TRPM1: variants seen among roughly 807,000 people sequenced by gnomAD.
TRPM1 encodes TRPM1-203 APA Isoform, Intron 10.
Under a neutral mutation model 149.4 loss-of-function variants are expected in TRPM1, and 113 were observed. That is an observed-to-expected ratio of 0.76 (90% CI 0.65 to 0.88). TRPM1 has a LOEUF of 0.88. Among genes scored for constraint, TRPM1 ranks in the 40% least tolerant of loss-of-function variants. TRPM1 has a pLI of 0.00. For missense variants in TRPM1, 1,976 were observed against 2,038.7 expected (o/e 0.97, Z 0.59); for synonymous variants, 741 against 759.5 (o/e 0.98, Z 0.40).
At chr15:31,133,094 A>T (rs1289541705) in intron 1 of TRPM1, among the ~76,000 whole-genome samples, 1 of 152,094 alleles carries the variant, frequency 6.6e-6, no homozygotes, top group African/African-American at 2.4e-5. Flanking sequence ...AGTCTCTGTG[A>T]CCCCTGAGGA....
chr15:31,119,624 TTATC>T (rs1360980415), intron 1 of TRPM1, among the ~76,000 whole-genome samples: 5 of 151,978 alleles, frequency 3.3e-5, no homozygotes, highest in Admixed American at 6.6e-5. Flanking sequence ...TTTTCTTAAT[TTATC>T]TAACAGATAA....
intron 1 of TRPM1, among the ~76,000 whole-genome samples, chr15:31,128,767 G>A (rs956159158): frequency 4.6e-5 from 7 of 152,242 alleles, no homozygotes; most frequent in African/African-American, 1.7e-4. Context: ...CAGGCTCATG[G>A]GGCCCTGCCA....
intron 1 of TRPM1, among the ~76,000 whole-genome samples, chr15:31,119,348 GA>G (rs2141032240): frequency 6.6e-6 from 1 of 152,220 alleles, no homozygotes; most frequent in Non-Finnish European, 1.5e-5. Context: ...AGAAGAAAAT[GA>G]GAAGAAATAT....
chr15:31,046,174 A>G (rs2033755801), intron 16 of TRPM1, 30 bp downstream of exon 16: 1 of 1,609,530 alleles, frequency 6.2e-7, no homozygotes, highest in Non-Finnish European at 8.5e-7. Flanking sequence ...CCAGGATATT[A>G]TAAAACTGTT....
rs567726421 is a variant in TRPM1, at chr15:31,063,120, G to T, written c.963C>A (p.Gly321=). The T allele has an allele frequency of 2.5e-6, 4 of 1,614,138 alleles. No homozygotes were observed. Among genetic ancestry groups the T allele is most frequent in the African/African-American group, 1.3e-5 (1 of 75,030 alleles). The change falls in exon 8 of 28, where the codon GGC becomes GGA. Residue 321 remains glycine (G), a splice_region_variant and synonymous_variant. Transcript: ENST00000256552. ...LSFAHKYCEE[G]GIINESLREQ... is the part of the protein sequence containing the mutation. The stretch of plus-strand genomic sequence containing the variant: ...TCCTCGCGCGTCAGAAATCCTACCC[G>T]CCTTCTTCACAGTACTTGTGCGCAA...
At chr15:31,043,490 C>A (rs1435122109) in intron 16 of TRPM1, among the ~76,000 whole-genome samples, 1 of 152,132 alleles carries the variant, frequency 6.6e-6, no homozygotes, top group African/African-American at 2.4e-5. Context: ...CCACGCCCGG[C>A]CACGACTGAC....
intron 9 of TRPM1, 58 bp from the exon 10 acceptor site, chr15:31,061,572 G>A (rs992753273): frequency 2.8e-5 from 41 of 1,471,158 alleles, no homozygotes; most frequent in Non-Finnish European, 3.6e-5. Context: ...GAGATATGGG[G>A]TGTTGTTACA....
chr15:31,034,045 G>A (rs1052873295), intron 21 of TRPM1, among the ~76,000 whole-genome samples: 5 of 152,164 alleles, frequency 3.3e-5, no homozygotes, highest in African/African-American at 9.7e-5. Context: ...CAAAATAATA[G>A]TATTGGTTGT....
chr15:31,081,375 A>G lies in TRPM1; in HGVS notation c.-20T>C, dbSNP rs192389083. 1.1e-4 allele frequency: 173 copies of G among 1,534,496 alleles called. No individual in the cohort carries two copies. In the African/African-American group the frequency reaches 2.2e-3, roughly 19 times the overall value. On this transcript the variant is annotated 5_prime_UTR_variant, in exon 2 of 28. Coordinates refer to ENST00000256552, the MANE Select transcript of TRPM1 (RefSeq NM_001252024.2). Reference sequence around the variant, plus strand: ...AACCATGAGTTTTCAAAAAGTTGATATAAGGAAATAGCCTCAGTCCAGCAC... The same window carrying G: ...AACCATGAGTTTTCAAAAAGTTGATGTAAGGAAATAGCCTCAGTCCAGCAC...
At position 31,068,090 on chromosome 15, in the gene TRPM1, A is replaced by G. The variant is rs372529012; in HGVS notation, c.282T>C (p.Tyr94=). The change falls in exon 5 of 28, where the codon TAT becomes TAC. Residue 94 remains tyrosine, a splice_region_variant and synonymous_variant. Coordinates refer to ENST00000256552, the MANE Select transcript of TRPM1 (RefSeq NM_001252024.2). ...GCTTGGTGTCATAGGATACACGGAT[A>G]TACTGTGAAAGAGTGTGTGGCACTC... ...QGGGYSNKAM[Y]IRVSYDTKPD... is the part of the protein sequence containing the mutation. The G allele has an allele frequency of 6.8e-5, 109 of 1,613,846 alleles. 3 individuals carry two copies. In the African/African-American group the frequency reaches 8.9e-4, roughly 13 times the overall value.
chr15:31,016,824 A>G (rs2032369237), intron 27 of TRPM1, among the ~76,000 whole-genome samples: 1 of 152,106 alleles, frequency 6.6e-6, no homozygotes. Flanking sequence ...CCAGAACCGC[A>G]TGTGCTTAAT....
At chr15:31,102,596 C>T (rs2035538527), upstream of TRPM1, among the ~76,000 whole-genome samples, 1 of 152,120 alleles carries the variant, frequency 6.6e-6, no homozygotes. Flanking sequence ...GTGGGAGTGC[C>T]CAGGTTGTCA....
chr15:31,087,219 G>A (rs1349703545), intron 1 of TRPM1, among the ~76,000 whole-genome samples: 1 of 142,414 alleles, frequency 7.0e-6, no homozygotes, highest in Non-Finnish European at 1.5e-5. Flanking sequence ...AGTTAAGCAG[G>A]TCTCAATAGG....
At chr15:31,078,388 C>T (rs1177532742) in intron 2 of TRPM1, among the ~76,000 whole-genome samples, 1 of 152,288 alleles carries the variant, frequency 6.6e-6, no homozygotes, top group Non-Finnish European at 1.5e-5. Context: ...CGGACTAGGG[C>T]GTGCAAGTAC....
rs1438667836 is a variant in TRPM1 at position 31,038,124 on chromosome 15, C to G, written c.2359G>C (p.Glu787Gln). The G allele has an allele frequency of 6.2e-7, 1 of 1,614,062 alleles. No homozygotes were observed. Among genetic ancestry groups the G allele is most frequent in the Non-Finnish European group, 8.5e-7 (1 of 1,179,968 alleles). ...ILLPPTILFL[E>Q]FRTYDDFSYQ... ...GAGAAATCATCATATGTGCGAAATT[C>G]CAAAAACAAGATGGTGGGGGGTAGA... Residue 787 changes from glutamate to glutamine, a missense_variant, in exon 19 of 28, where the codon GAA becomes CAA. By Grantham distance (29) the Glu-to-Gln change is conservative. Transcript: ENST00000256552.
upstream of TRPM1, among the ~76,000 whole-genome samples, chr15:31,105,435 CTG>C (rs10525947): frequency 0.081 from 12,054 of 148,482 alleles, 531 homozygotes; most frequent in South Asian, 0.13. Context: ...CTGTGTGTCT[CTG>C]TGTGTGTGTG....
At chr15:31,144,203 G>A (rs910143808) in intron 1 of TRPM1, among the ~76,000 whole-genome samples, 4 of 152,158 alleles carry the variant, frequency 2.6e-5, no homozygotes, top group Non-Finnish European at 5.9e-5. Flanking sequence ...ACTCTGGGAG[G>A]CCGAGATGAG....
At chr15:31,031,408 GT>G (rs1251658116) in intron 22 of TRPM1, 16 of 572,932 alleles carry the variant, frequency 2.8e-5, no homozygotes, top group Non-Finnish European at 5.0e-5. Flanking sequence ...CTTCTCTGTT[GT>G]TGCCCATAAA....
intron 1 of TRPM1, among the ~76,000 whole-genome samples, chr15:31,107,454 T>C (rs946096909): frequency 4.6e-5 from 7 of 152,214 alleles, no homozygotes; most frequent in African/African-American, 1.7e-4. Flanking sequence ...CTCTGTTGTT[T>C]AGATGGCCAG....
Sources: allele counts gnomAD v4.1 joint callset (sites outside exome capture counted in the v4.1 genomes callset), GRCh38; gene constraint gnomAD v4.1.1; transcripts MANE v1.5; gene names NCBI Gene and HGNC (gene_info 2026-07-23, HGNC 2026-07-21).